PRMT2: variants seen among roughly 807,000 people sequenced by gnomAD.
PRMT2 encodes the protein protein arginine N-methyltransferase 2.
In PRMT2, 26 loss-of-function variants were observed where a neutral mutation model predicts 57.6. The observed-to-expected ratio is 0.45, with a 90% CI of 0.33 to 0.63. The LOEUF (loss-of-function observed/expected upper bound fraction) is 0.63, where lower values mean the gene tolerates loss of function less well. Ranked by LOEUF, PRMT2 falls within the 20% of genes least tolerant of loss-of-function variation. The pLI is 0.02. For synonymous variants in PRMT2, 219 were observed against 220.0 expected, an observed-to-expected ratio of 1.00 and a Z score of 0.04; for missense variants, 472 against 564.4, an observed-to-expected ratio of 0.84 and a Z score of 1.66.
intron 7 of PRMT2, chr21:46,652,761 G>A (rs2148989939): frequency 1.7e-6 from 2 of 1,154,788 alleles, no homozygotes; most frequent in Non-Finnish European, 2.2e-6. Flanking sequence ...GATACCACAG[G>A]TGTCCTAGAT....
chr21:46,643,520 C>A lies in PRMT2; in HGVS notation c.40-15C>A. 6.5e-7 allele frequency: 1 copy of A among 1,528,528 alleles called. No individual in the cohort carries two copies. Among genetic ancestry groups the A allele is most frequent in the South Asian group, 1.3e-5 (1 of 79,068 alleles). The allele number at this position is 1,528,528 out of a possible 1,614,324, so 94.7% of individuals were successfully genotyped here. On this transcript the variant is annotated splice_polypyrimidine_tract_variant and intron_variant, in intron 3 of 11. Transcript: ENST00000355680. ...TCCAGCGTCCTCTCCTCACGCTTTCCTTGGCTTTGAGCAGGGAGAAGAGCC... is the reference window on the plus strand; with the variant it reads ...TCCAGCGTCCTCTCCTCACGCTTTCATTGGCTTTGAGCAGGGAGAAGAGCC...
intron 7 of PRMT2, chr21:46,655,027 T>TA: frequency 1.9e-6 from 1 of 518,682 alleles, no homozygotes; most frequent in Non-Finnish European, 2.5e-6. Flanking sequence ...ATGAAATAGA[T>TA]AACCTGAATG....
At position 46,663,671 on chromosome 21, in the gene PRMT2, A is replaced by C. The variant is rs1399165567; in HGVS notation, c.1269+117A>C. 1.1e-5 allele frequency: 12 copies of C among 1,048,534 alleles called. No individual in the cohort carries two copies. In the Admixed American group the frequency reaches 2.8e-4, roughly 24 times the overall value. The allele number at this position is 1,048,534 out of a possible 1,614,324, so 65.0% of individuals were successfully genotyped here. On this transcript the variant is annotated intron_variant, in intron 11 of 11. Transcript: ENST00000355680. ...ACACTGGGGTCCACGCCTTTTGTGC[A>C]GGAGTGATTTAATCCTTACACAGAA...
At chr21:46,662,342 G>A (rs553736556) in intron 10 of PRMT2, among the ~76,000 whole-genome samples, 1 of 152,342 alleles carries the variant, frequency 6.6e-6, no homozygotes, top group South Asian at 2.1e-4. Flanking sequence ...CAGCACCCTG[G>A]GCATGTGTGG....
Position 46,643,615 on chromosome 21 carries a change from C to T in PRMT2, c.120C>T (p.Asp40=). Residue 40 remains aspartate, a synonymous_variant, in exon 4 of 12, where the codon GAC becomes GAT. Transcript: ENST00000355680. Reference sequence around the variant, plus strand: ...CAGAGGAGTTTGTGGCCATCGCGGACTACGCTGCCACCGATGAGACCCAGG... The same window carrying T: ...CAGAGGAGTTTGTGGCCATCGCGGATTACGCTGCCACCGATGAGACCCAGG... ...VQPEEFVAIA[D]YAATDETQLS... The T allele has an allele frequency of 6.2e-7, 1 of 1,610,616 alleles. No homozygotes were observed. Among genetic ancestry groups the T allele is most frequent in the Non-Finnish European group, 8.5e-7 (1 of 1,179,130 alleles).
At chr21:46,639,816 G>A (rs1266778788) in intron 3 of PRMT2, among the ~76,000 whole-genome samples, 1 of 150,684 alleles carries the variant, frequency 6.6e-6, no homozygotes, top group Non-Finnish European at 1.5e-5. Context: ...CTGTTTTTTT[G>A]TTTCTCTGTT....
At chr21:46,659,528 A>C in intron 8 of PRMT2, 1 of 964,698 alleles carries the variant, frequency 1.0e-6, no homozygotes. Flanking sequence ...ACCGCAAAAA[A>C]TAAATAAAAT....
chr21:46,656,603 A>C (rs2061545428), intron 7 of PRMT2, among the ~76,000 whole-genome samples: 2 of 152,238 alleles, frequency 1.3e-5, no homozygotes, highest in South Asian at 4.1e-4. Flanking sequence ...CTTTTCAGCA[A>C]ATGTTACTGG....
intron 11 of PRMT2, 55 bp from the exon 12 acceptor site, chr21:46,664,240 A>ATG: frequency 7.1e-7 from 1 of 1,399,364 alleles, no homozygotes; most frequent in Non-Finnish European, 1.0e-6. Context: ...GAAATGTAGT[A>ATG]TGTTAATCAA....
At chr21:46,663,247 G>C in intron 10 of PRMT2, 136 bp from the exon 11 acceptor site, 1 of 765,422 alleles carries the variant, frequency 1.3e-6, no homozygotes, top group Admixed American at 2.9e-5. Context: ...TGTGTCCCCA[G>C]GCCCTCAGGG....
At chr21:46,643,333 A>T in intron 3 of PRMT2, 8 of 895,254 alleles carry the variant, frequency 8.9e-6, no homozygotes, top group East Asian at 4.1e-5. Flanking sequence ...GGTCCAGATA[A>T]TTTTTTTTTT....
In PRMT2 at chr21:46,644,372, G is replaced by C; in HGVS notation, c.211G>C (p.Glu71Gln). Residue 71 changes from glutamate (E) to glutamine (Q), a missense_variant, in exon 5 of 12, where the codon GAG (glutamate) becomes CAG (glutamine). Glu to Gln is a conservative substitution (Grantham distance 29, BLOSUM62 2). Coordinates refer to ENST00000355680, the MANE Select transcript of PRMT2 (RefSeq NM_206962.4). Reference protein sequence around the residue: ...RQTTADWWWGERAGCCGYIPA... With the variant: ...RQTTADWWWGQRAGCCGYIPA... ...AACCACTGCAGATTGGTGGTGGGGT[G>C]AGCGTGCGGGCTGCTGTGGGTACAT... 1 of 1,612,818 alleles carries C rather than the reference G, an allele frequency of 6.2e-7. No individual in the cohort carries two copies. The highest frequency in any genetic ancestry group is 8.5e-7 in the Non-Finnish European group (1 of 1,179,472).
chr21:46,646,378 C>G (rs1177197632), intron 5 of PRMT2, among the ~76,000 whole-genome samples: 1 of 152,220 alleles, frequency 6.6e-6, no homozygotes, highest in Non-Finnish European at 1.5e-5. Context: ...TGCCGCCTCT[C>G]AGCTCAAAGA....
At chr21:46,659,637 A>G (rs1432456686) in intron 8 of PRMT2, 1 of 985,336 alleles carries the variant, frequency 1.0e-6, no homozygotes, top group African/African-American at 1.7e-5. Context: ...GAGTAAATTA[A>G]AATAGTAGCC....
intron 7 of PRMT2, chr21:46,652,047 A>G (rs1231403670): frequency 6.2e-7 from 1 of 1,610,956 alleles, no homozygotes; most frequent in Non-Finnish European, 8.5e-7. Context: ...AGAAGAGTGC[A>G]TGTGCGTTTA....
intron 8 of PRMT2, chr21:46,659,245 G>C: frequency 9.4e-7 from 1 of 1,064,718 alleles, no homozygotes; most frequent in African/African-American, 1.7e-5. Flanking sequence ...CACGCCATAC[G>C]TGAAAACTTA....
chr21:46,657,313 AT>A (rs1273932700), intron 7 of PRMT2: 3 of 151,266 alleles, frequency 2.0e-5, no homozygotes, highest in African/African-American at 7.3e-5. Flanking sequence ...ACCCAGAGAT[AT>A]GCAAGCTGTG....
chr21:46,636,046 C>G (rs1042428986), intron 1 of PRMT2: 2 of 153,132 alleles, frequency 1.3e-5, no homozygotes, highest in African/African-American at 4.8e-5. Context: ...CTGTCACGCC[C>G]TTCGCGGCCA....
chr21:46,658,726 G>T lies in PRMT2; in HGVS notation c.655-19G>T. The T allele has an allele frequency of 6.2e-7, 1 of 1,612,506 alleles. No homozygotes were observed. The highest frequency in any genetic ancestry group is 1.3e-5 in the African/African-American group (1 of 75,044). On this transcript the variant is annotated intron_variant, in intron 7 of 11. Transcript: ENST00000355680. ...GGGGCCTGTGATGTGTCTCCTGTGT[G>T]TCTTTCACTCCTATGCAGTTTGAGT...
Sources: allele counts gnomAD v4.1 joint callset (sites outside exome capture counted in the v4.1 genomes callset), GRCh38; gene constraint gnomAD v4.1.1; transcripts MANE v1.5; gene names NCBI Gene and HGNC (gene_info 2026-07-23, HGNC 2026-07-21).